TENM3: variants seen among roughly 807,000 people sequenced by gnomAD.
TENM3 encodes teneurin-3.
A neutral mutation model predicts 255.1 loss-of-function variants in TENM3; 63 were observed. The ratio of observed to expected loss-of-function variants is 0.25; its 90% CI spans 0.20 to 0.30. The LOEUF (loss-of-function observed/expected upper bound fraction) is 0.30. Among genes scored for constraint, TENM3 ranks in the 10% least tolerant of loss-of-function variants. The pLI is 1.00. For missense variants in TENM3, 2,929 were observed against 3,461.1 expected (o/e 0.85, Z 3.86); for synonymous variants, 1,306 against 1,322.3 (o/e 0.99, Z 0.27).
chr4:182,217,574 T>C (rs140614107), intron 1 of TENM3, among the ~76,000 whole-genome samples: 38 of 152,298 alleles, frequency 2.5e-4, no homozygotes, highest in African/African-American at 8.4e-4. Flanking sequence ...ATTAACTCTT[T>C]AATTCGCATA....
rs957483629 is a variant in TENM3, at chr4:182,250,054, C to CTT, written c.-76+6593_-76+6594dup. ...CATTTTTCTTTTTCTTTTCTTTTTT[C>CTT]TTTTTTTTTTTTTTTTGAGACGGAG... On this transcript the variant is annotated intron_variant, in intron 1 of 27. Transcript: ENST00000511685. Among the ~76,000 whole-genome samples the CTT allele has an allele frequency of 8.7e-3, 1,121 of 128,422 alleles. 11 individuals carry two copies. Among genetic ancestry groups the CTT allele is most frequent in the Non-Finnish European group, 0.012 (735 of 60,524 alleles). 84.2% of individuals were successfully genotyped at this position (128,422 alleles called of 152,430 possible).
At chr4:182,350,798 C>A (rs561873472) in intron 3 of TENM3, among the ~76,000 whole-genome samples, 2 of 152,272 alleles carry the variant, frequency 1.3e-5, no homozygotes, top group South Asian at 4.1e-4. Flanking sequence ...CATTCTCCTG[C>A]CTCAGCCTCC....
At chr4:181,919,374 G>GGTGT in the TENM3 span, among the ~76,000 whole-genome samples, 35,107 of 146,676 alleles carry the variant, frequency 0.24, 4,212 homozygotes, top group Non-Finnish European at 0.26. Flanking sequence ...AAGCAAAGCA[G>GGTGT]GTGTGTGTGT....
At chr4:182,250,940 G>A (rs1473223455) in intron 1 of TENM3, among the ~76,000 whole-genome samples, 1 of 152,134 alleles carries the variant, frequency 6.6e-6, no homozygotes, top group African/African-American at 2.4e-5. Flanking sequence ...AATTTGTTAT[G>A]CAAACAAGGG....
At chr4:182,144,166 G>GCTCCTCTCCTCTC (rs1410117536), upstream of TENM3, 1 of 152,120 alleles carries the variant, frequency 6.6e-6, no homozygotes, top group Non-Finnish European at 1.5e-5. Context: ...CGCATGGTAG[G>GCTCCTCTCCTCTC]CTCCTCTCCT....
chr4:182,659,310 G>C (rs1754016606), intron 6 of TENM3, among the ~76,000 whole-genome samples: 1 of 115,878 alleles, frequency 8.6e-6, no homozygotes, highest in African/African-American at 3.2e-5. Context: ...AAACTATTAA[G>C]ATACTTTGAG....
At chr4:182,784,825 T>C (rs1239996452) in intron 24 of TENM3, among the ~76,000 whole-genome samples, 2 of 148,084 alleles carry the variant, frequency 1.4e-5, no homozygotes, top group African/African-American at 2.4e-5. Context: ...TTCCAGGTGC[T>C]GTCCGTCACC....
chr4:182,365,890 C>T (rs1232766832), intron 3 of TENM3, among the ~76,000 whole-genome samples: 1 of 152,156 alleles, frequency 6.6e-6, no homozygotes, highest in Non-Finnish European at 1.5e-5. Context: ...CAAATCTGTA[C>T]AGCCTGTTAC....
chr4:181,982,876 T>A, the TENM3 span, among the ~76,000 whole-genome samples: 1 of 152,196 alleles, frequency 6.6e-6, no homozygotes, highest in African/African-American at 2.4e-5. Flanking sequence ...AAACTTAGAG[T>A]CTTTGATTTA....
At chr4:182,784,102 T>C (rs935609501) in intron 24 of TENM3, among the ~76,000 whole-genome samples, 16 of 152,262 alleles carry the variant, frequency 1.1e-4, no homozygotes, top group African/African-American at 3.6e-4. Context: ...GGTGAGGAAC[T>C]GCATTCCTTT....
intron 3 of TENM3, among the ~76,000 whole-genome samples, chr4:182,364,714 C>G (rs1418416229): frequency 1.3e-5 from 2 of 152,226 alleles, no homozygotes; most frequent in Non-Finnish European, 2.9e-5. Context: ...CCACCGCGCC[C>G]AGCCCCAACT....
At chr4:182,249,752 G>A (rs1443138274) in intron 1 of TENM3, among the ~76,000 whole-genome samples, 1 of 152,128 alleles carries the variant, frequency 6.6e-6, no homozygotes, top group East Asian at 1.9e-4. Flanking sequence ...TTAGTTAGTG[G>A]TTTTTATTTT....
At chr4:182,196,178 T>C (rs369107212) in intron 1 of TENM3, among the ~76,000 whole-genome samples, 20 of 152,224 alleles carry the variant, frequency 1.3e-4, no homozygotes, top group Middle Eastern at 3.4e-3. Context: ...GGAGTGAATG[T>C]ACCTGGGCTG....
chr4:181,647,694 C>T, the TENM3 span, among the ~76,000 whole-genome samples: 3 of 152,010 alleles, frequency 2.0e-5, no homozygotes, highest in Non-Finnish European at 4.4e-5. Context: ...AATATAGAAA[C>T]GGGGGCAAGG....
At chr4:181,941,167 G>C in the TENM3 span, among the ~76,000 whole-genome samples, 1 of 152,178 alleles carries the variant, frequency 6.6e-6, no homozygotes, top group Non-Finnish European at 1.5e-5. Flanking sequence ...AGCCACGTAT[G>C]AGATCATGTG....
At chr4:181,480,017 T>TGATC in the TENM3 span, among the ~76,000 whole-genome samples, 5 of 152,274 alleles carry the variant, frequency 3.3e-5, no homozygotes, top group Admixed American at 3.3e-4. Context: ...TTTATTTGTA[T>TGATC]GATCACAAAG....
chr4:182,176,620 G>A (rs1752502981), intron 1 of TENM3, among the ~76,000 whole-genome samples: 1 of 151,858 alleles, frequency 6.6e-6, no homozygotes, highest in South Asian at 2.1e-4. Context: ...GTTTTAGTTA[G>A]CAGAACTCTT....
chr4:182,688,209 G>A lies in TENM3; in HGVS notation c.2079G>A (p.Gly693=), dbSNP rs1756739234. ...VDCGSHGVCM[G]GTCRCEEGWT... ...GTGGCTCACACGGCGTTTGCATGGGGGGGACGTGTCGCTGTGAAGAAGGCT... is the reference window on the plus strand; with the variant it reads ...GTGGCTCACACGGCGTTTGCATGGGAGGGACGTGTCGCTGTGAAGAAGGCT... Residue 693 remains glycine (G), a synonymous_variant, in exon 12 of 28, where the codon GGG becomes GGA. Transcript: ENST00000511685. 1 of 1,613,858 alleles carries A rather than the reference G, an allele frequency of 6.2e-7. No individual in the cohort carries two copies. The highest frequency in any genetic ancestry group is 2.2e-5 in the East Asian group (1 of 44,876).
chr4:181,832,290 A>C, the TENM3 span, among the ~76,000 whole-genome samples: 1 of 152,154 alleles, frequency 6.6e-6, no homozygotes, highest in South Asian at 2.1e-4. Flanking sequence ...GGAGACTTGC[A>C]ATGTGGCCAA....
Sources: gnomAD v4.1 joint callset for allele counts (sites outside exome capture counted in the v4.1 genomes callset) on GRCh38, gnomAD v4.1.1 for gene constraint, MANE v1.5 for transcripts, NCBI Gene and HGNC (gene_info 2026-07-23, HGNC 2026-07-21) for gene names.